SEC23IP: variants seen among roughly 807,000 people sequenced by gnomAD.
SEC23IP encodes the protein SEC23 interacting protein.
SEC23IP carries 70 observed loss-of-function variants against 113.4 expected under a neutral mutation model. The ratio of observed to expected loss-of-function variants is 0.62; its 90% confidence interval spans 0.51 to 0.75. The LOEUF (loss-of-function observed/expected upper bound fraction) is 0.75. Ranked by LOEUF, SEC23IP falls within the 30% of genes least tolerant of loss-of-function variation. The pLI, the probability that SEC23IP is intolerant of heterozygous loss-of-function variation, is 0.00. For synonymous variants in SEC23IP, 398 were observed against 421.0 expected (o/e 0.95, Z 0.67); for missense variants, 1,160 against 1,204.9 (o/e 0.96, Z 0.55).
At chr10:119,937,931 A>G (rs1013499421) in intron 18 of SEC23IP, among the ~76,000 whole-genome samples, 1 of 151,904 alleles carries the variant, frequency 6.6e-6, no homozygotes, top group African/African-American at 2.4e-5. Flanking sequence ...CTGGTGATTT[A>G]TTTGTCTATG....
At chr10:119,904,491 C>T (rs1205376178) in intron 4 of SEC23IP, 1 of 535,198 alleles carries the variant, frequency 1.9e-6, no homozygotes, top group Non-Finnish European at 3.3e-6. Flanking sequence ...TTTGCAGAGA[C>T]ACATCACAGA....
At chr10:119,910,095 G>A (rs1288354336) in intron 5 of SEC23IP, among the ~76,000 whole-genome samples, 1 of 152,170 alleles carries the variant, frequency 6.6e-6, no homozygotes, top group African/African-American at 2.4e-5. Context: ...TGCCACCGTG[G>A]TGTGAAAGCA....
At chr10:119,923,154 C>T (rs1855304752) in intron 12 of SEC23IP, among the ~76,000 whole-genome samples, 1 of 152,058 alleles carries the variant, frequency 6.6e-6, no homozygotes, top group South Asian at 2.1e-4. Context: ...TTATGGACTG[C>T]AGTTGCTTAG....
chr10:119,901,692 T>C (rs1274605642), intron 2 of SEC23IP, among the ~76,000 whole-genome samples: 1 of 152,202 alleles, frequency 6.6e-6, no homozygotes, highest in African/African-American at 2.4e-5. Flanking sequence ...TTTATTTTTA[T>C]TTTTTATTTA....
chr10:119,932,016 T>G, intron 15 of SEC23IP, 117 bp from the exon 16 acceptor site: 3 of 626,284 alleles, frequency 4.8e-6, no homozygotes, highest in Non-Finnish European at 8.5e-6. Context: ...TATTTGACAT[T>G]GAAAAGAGGA....
rs1346601333 is a variant in SEC23IP, at chr10:119,942,109, A to C, written c.*1544A>C. The stretch of plus-strand genomic sequence containing the variant: ...ATAAAGAAAAATGAGGGTTATTTAT[A>C]TACATTTCAATAAAATCCAATTTGA... On this transcript the variant is annotated 3_prime_UTR_variant, in exon 19 of 19. Transcript: ENST00000369075. 1 of 152,338 alleles carries C rather than the reference A, an allele frequency of 6.6e-6. No homozygotes were observed. Among genetic ancestry groups the C allele is most frequent in the African/African-American group, 2.4e-5 (1 of 41,572 alleles). 9.4% of individuals were successfully genotyped at this position (152,338 alleles called of 1,614,324 possible).
At chr10:119,925,077 G>A (rs1226637594) in intron 12 of SEC23IP, among the ~76,000 whole-genome samples, 1 of 152,134 alleles carries the variant, frequency 6.6e-6, no homozygotes, top group Non-Finnish European at 1.5e-5. Context: ...GTGCTGAAAT[G>A]CATAGATCTT....
intron 12 of SEC23IP, among the ~76,000 whole-genome samples, chr10:119,923,372 T>C (rs1293025054): frequency 6.6e-6 from 1 of 152,078 alleles, no homozygotes; most frequent in Non-Finnish European, 1.5e-5. Flanking sequence ...GTTGATTTAC[T>C]GTAACTGAAA....
chr10:119,935,571 G>A (rs1484704153), intron 18 of SEC23IP, among the ~76,000 whole-genome samples: 8 of 152,068 alleles, frequency 5.3e-5, no homozygotes, highest in African/African-American at 4.8e-5. Flanking sequence ...CCGCCCATCC[G>A]TCCATTCATC....
chr10:119,901,703 T>G (rs1038502919), intron 2 of SEC23IP, among the ~76,000 whole-genome samples: 2 of 152,208 alleles, frequency 1.3e-5, no homozygotes, highest in Non-Finnish European at 2.9e-5. Flanking sequence ...TTTTTATTTA[T>G]TGTTTGAGAC....
chr10:119,930,557 AC>A, intron 15 of SEC23IP, 126 bp downstream of exon 15: 1 of 497,332 alleles, frequency 2.0e-6, no homozygotes, highest in Non-Finnish European at 3.6e-6. Flanking sequence ...TATGTTCAGA[AC>A]TTTTAAACTA....
intron 5 of SEC23IP, among the ~76,000 whole-genome samples, chr10:119,910,655 C>G (rs1024786477): frequency 2.6e-4 from 40 of 152,172 alleles, no homozygotes; most frequent in African/African-American, 9.4e-4. Context: ...TTCCTCATTT[C>G]TCCTCTCCAT....
intron 12 of SEC23IP, among the ~76,000 whole-genome samples, chr10:119,924,285 C>CT (rs1337338371): frequency 3.6e-4 from 55 of 152,310 alleles, no homozygotes; most frequent in African/African-American, 1.3e-3. Flanking sequence ...TAAATCGAGA[C>CT]TAACACTTAG....
At position 119,898,795 on chromosome 10, in the gene SEC23IP, C is replaced by G. The variant is rs1564904158; in HGVS notation, c.532C>G (p.Pro178Ala). The change falls in exon 2 of 19, where the codon CCA becomes GCA. Residue 178 changes from proline (P) to alanine (A), a missense_variant. Pro to Ala is a conservative substitution (Grantham distance 27). Transcript: ENST00000369075. ...GAACCAACCCCAAGGAATTCCCCAA[C>G]CAGGATACAATCCATATCGCCATAC... ...FGNQPQGIPQ[P>A]GYNPYRHTPG... The G allele has an allele frequency of 3.7e-6, 6 of 1,614,194 alleles. No homozygotes were observed. Among genetic ancestry groups the G allele is most frequent in the Non-Finnish European group, 5.1e-6 (6 of 1,180,028 alleles).
chr10:119,906,768 G>A (rs1484945036), intron 4 of SEC23IP, among the ~76,000 whole-genome samples: 2 of 151,600 alleles, frequency 1.3e-5, no homozygotes, highest in Non-Finnish European at 2.9e-5. Context: ...TAGAGACAGG[G>A]TTTCACCATG....
intron 15 of SEC23IP, among the ~76,000 whole-genome samples, chr10:119,930,785 G>A (rs1006765095): frequency 1.3e-5 from 2 of 152,120 alleles, no homozygotes; most frequent in South Asian, 2.1e-4. Context: ...TGATGTTGTC[G>A]AAGTGAGCTG....
chr10:119,895,640 G>A (rs1424774125), intron 1 of SEC23IP, among the ~76,000 whole-genome samples: 2 of 152,246 alleles, frequency 1.3e-5, no homozygotes, highest in African/African-American at 4.8e-5. Context: ...GGCCTCTTAG[G>A]GGAGGTGATG....
At chr10:119,913,801 TTA>T (rs1442393159) in intron 6 of SEC23IP, among the ~76,000 whole-genome samples, 5 of 151,630 alleles carry the variant, frequency 3.3e-5, no homozygotes, top group Admixed American at 2.0e-4. Flanking sequence ...CCACAAAACT[TTA>T]TGTTATTTTT....
In SEC23IP at chr10:119,940,972, A is replaced by G. The variant is rs1356268095; in HGVS notation, c.*407A>G. On this transcript the variant is annotated 3_prime_UTR_variant, in exon 19 of 19. Transcript: ENST00000369075. ...TTAAACTTGGATTTTTCTTTTTATTAATGCAGTATGTTCTTTTTATTCAAG... is the reference window on the plus strand; with the variant it reads ...TTAAACTTGGATTTTTCTTTTTATTGATGCAGTATGTTCTTTTTATTCAAG... 6 of 152,206 alleles carry G rather than the reference A, an allele frequency of 3.9e-5. No individual in the cohort carries two copies. Among genetic ancestry groups the G allele is most frequent in the African/African-American group, 1.4e-4 (6 of 41,460 alleles). 9.4% of individuals were successfully genotyped at this position (152,206 alleles called of 1,614,324 possible).
Sources: gnomAD v4.1 joint callset for allele counts (sites outside exome capture counted in the v4.1 genomes callset) on GRCh38, gnomAD v4.1.1 for gene constraint, MANE v1.5 for transcripts, NCBI Gene and HGNC (gene_info 2026-07-23, HGNC 2026-07-21) for gene names.